Variants in NFIC observed in about 807,000 individuals in gnomAD.
NFIC encodes the protein nuclear factor 1 C-type.
A neutral mutation model predicts 54.4 loss-of-function variants in NFIC; 12 were observed. The observed-to-expected ratio is 0.22, with a 90% CI of 0.14 to 0.36. The LOEUF (loss-of-function observed/expected upper bound fraction) is 0.36. Ranked by LOEUF, NFIC falls within the 10% of genes least tolerant of loss-of-function variation. NFIC has a pLI of 1.00. For missense variants in NFIC, 575 were observed against 718.2 expected (o/e 0.80, Z 2.28); for synonymous variants, 322 against 319.2 (o/e 1.01, Z -0.09).
chr19:3,405,938 A>AAC (rs987761223), intron 2 of NFIC, among the ~76,000 whole-genome samples: 23 of 150,318 alleles, frequency 1.5e-4, no homozygotes, highest in African/African-American at 5.1e-4. Flanking sequence ...CTTTTTTTGA[A>AAC]ACAGAGTCCT....
At chr19:3,413,342 C>T (rs544321310) in intron 2 of NFIC, among the ~76,000 whole-genome samples, 4 of 152,174 alleles carry the variant, frequency 2.6e-5, no homozygotes, top group East Asian at 3.9e-4. Flanking sequence ...TGAGGGGAAC[C>T]GAGACCCCTC....
rs1227997025 is a variant in NFIC at position 3,370,285 on chromosome 19, C to T, written c.30+3619C>T. 6.6e-6 allele frequency among the ~76,000 whole-genome samples: 1 copy of T among 152,098 alleles called. No homozygotes were observed. Among genetic ancestry groups the T allele is most frequent in the African/African-American group, 2.4e-5 (1 of 41,420 alleles). On this transcript the variant is annotated intron_variant, in intron 1 of 10. Transcript: ENST00000443272. The surrounding 1 kb of genome is among the most constrained non-coding windows in gnomAD (Gnocchi z 5.2). ...GGGCGCTCTCTCCCCGTGTGCCCCC[C>T]ACCCGGGGCCTGGTGGCCTCTGATT...
At chr19:3,435,314 C>T in intron 6 of NFIC, 107 bp downstream of exon 6, 1 of 1,403,262 alleles carries the variant, frequency 7.1e-7, no homozygotes, top group South Asian at 1.5e-5. Context: ...AGGAAGCCGG[C>T]CTGGAGCCGC....
rs1009483997 is a variant in NFIC at position 3,368,163 on chromosome 19, G to A, written c.30+1497G>A. The stretch of plus-strand genomic sequence containing the variant: ...TGTGTGACCTCGGGCAGCCTTTGAA[G>A]TCTCTGGGCTTGTGGGGTGACTGAG... On this transcript the variant is annotated intron_variant, in intron 1 of 10. Transcript: ENST00000443272. Among the ~76,000 whole-genome samples, 10 of 152,200 alleles carry A rather than the reference G, an allele frequency of 6.6e-5. 1 individual carries two copies. Among genetic ancestry groups the A allele is most frequent in the Admixed American group, 5.2e-4 (8 of 15,280 alleles).
intron 2 of NFIC, among the ~76,000 whole-genome samples, chr19:3,391,470 G>A (rs920245029): frequency 2.0e-5 from 3 of 151,992 alleles, no homozygotes; most frequent in Non-Finnish European, 4.4e-5. Flanking sequence ...AGCCAACATG[G>A]TAAAACCCTG....
intron 9 of NFIC, among the ~76,000 whole-genome samples, chr19:3,455,122 G>A (rs1030026817): frequency 3.9e-5 from 6 of 152,240 alleles, no homozygotes; most frequent in South Asian, 2.1e-4. Flanking sequence ...TCCATGTGGC[G>A]CCTGATGCTG....
chr19:3,458,605 T>A lies in NFIC; in HGVS notation c.1509+1970T>A, dbSNP rs1433937060. Among the ~76,000 whole-genome samples the A allele has an allele frequency of 7.2e-6, 1 of 138,646 alleles. No individual in the cohort carries two copies. The highest frequency in any genetic ancestry group is 2.7e-5 in the African/African-American group (1 of 36,386). 91.0% of individuals were successfully genotyped at this position (138,646 alleles called of 152,430 possible). On this transcript the variant is annotated intron_variant, in intron 10 of 10. Coordinates refer to ENST00000443272, the MANE Select transcript of NFIC (RefSeq NM_001245002.2). This position sits in a 1 kb window ranked among gnomAD's most constrained non-coding sequence, Gnocchi z 4.1. ...GACTCCTCTGGGGACCCAGAAAGGG[T>A]GGGACCAGGGCTGGCAGAATGGGGT... is the stretch of plus-strand genomic sequence containing the variant.
At chr19:3,364,928 C>G (rs1424362237), upstream of NFIC, among the ~76,000 whole-genome samples, 1 of 152,204 alleles carries the variant, frequency 6.6e-6, no homozygotes, top group African/African-American at 2.4e-5. Context: ...AGATACACTT[C>G]TCACCATTTA....
intron 6 of NFIC, among the ~76,000 whole-genome samples, chr19:3,438,110 T>C (rs985894090): frequency 1.3e-5 from 2 of 152,210 alleles, no homozygotes; most frequent in Admixed American, 6.6e-5. Flanking sequence ...GGAAAAATTG[T>C]AGCTTTAAGT....
upstream of NFIC, among the ~76,000 whole-genome samples, chr19:3,363,835 A>AGAG (rs2080849606): frequency 6.6e-6 from 1 of 152,128 alleles, no homozygotes; most frequent in African/African-American, 2.4e-5. Flanking sequence ...TCTGCTCAGC[A>AGAG]CCCTGCAGGG....
chr19:3,433,908 C>T (rs928259202), intron 4 of NFIC, among the ~76,000 whole-genome samples: 1 of 152,152 alleles, frequency 6.6e-6, no homozygotes, highest in African/African-American at 2.4e-5. Context: ...CCCTCCTGTC[C>T]CCTTGCTTTC....
intron 2 of NFIC, among the ~76,000 whole-genome samples, chr19:3,414,041 C>T (rs1438846354): frequency 6.6e-6 from 1 of 152,108 alleles, no homozygotes; most frequent in East Asian, 1.9e-4. Flanking sequence ...GTCCCTTGGG[C>T]GTCTGGCATC....
chr19:3,370,968 G>A lies in NFIC; in HGVS notation c.30+4302G>A, dbSNP rs1297041532. On this transcript the variant is annotated intron_variant, in intron 1 of 10. Coordinates refer to ENST00000443272, the MANE Select transcript of NFIC (RefSeq NM_001245002.2). The surrounding 1 kb of genome is among the most constrained non-coding windows in gnomAD (Gnocchi z 5.2). ...GAGCACACGCTGGGCGCACACGCGT[G>A]CACACTCCCTGACACCCATACGGAC... 6.6e-6 allele frequency among the ~76,000 whole-genome samples: 1 copy of A among 152,220 alleles called. No homozygotes were observed.
At chr19:3,434,436 G>T (rs202231204) in intron 5 of NFIC, 36 bp downstream of exon 5, 3 of 1,559,674 alleles carry the variant, frequency 1.9e-6, no homozygotes, top group South Asian at 1.2e-5. Flanking sequence ...GGCATTTCAT[G>T]ACCCCATTCA....
chr19:3,403,173 G>C (rs1050504589), intron 2 of NFIC, among the ~76,000 whole-genome samples: 1 of 152,062 alleles, frequency 6.6e-6, no homozygotes, highest in Non-Finnish European at 1.5e-5. Context: ...AGCATTTATC[G>C]AGCACCACCT....
At chr19:3,366,534 C>CGGGGGGGGGGGGGGGGGGGGGG, upstream of NFIC, 2 of 361,256 alleles carry the variant, frequency 5.5e-6, no homozygotes, top group Non-Finnish European at 4.2e-6. Context: ...GGCCGCGGGG[C>CGGGGGGGGGGGGGGGGGGGGGG]GGGGGGGGGG....
rs142790393 is a variant in NFIC at position 3,435,102 on chromosome 19, G to C, written c.853G>C (p.Gly285Arg). ...SSSGSKRHKS[G>R]SMEEDVDTSP... is the part of the protein sequence containing the mutation. ...CATAAGGAGCAAGCGGCACAAATCG[G>C]GCTCGATGGAGGAAGACGTGGACAC... is the stretch of plus-strand genomic sequence containing the variant. The change falls in exon 6 of 11, where the codon GGC (glycine) becomes CGC (arginine). Residue 285 changes from glycine (G) to arginine (R), a missense_variant. Gly to Arg is a moderately radical substitution (Grantham distance 125). This residue lies in a region of NFIC where 447 missense variants were observed against 526.9 expected (regional missense o/e 0.85). Coordinates refer to ENST00000443272, the MANE Select transcript of NFIC (RefSeq NM_001245002.2). 27 of 1,604,142 alleles carry C rather than the reference G, an allele frequency of 1.7e-5. No individual in the cohort carries two copies. Among genetic ancestry groups the C allele is most frequent in the Non-Finnish European group, 2.1e-5 (25 of 1,174,960 alleles).
intron 3 of NFIC, among the ~76,000 whole-genome samples, chr19:3,432,875 G>C (rs2082143128): frequency 6.6e-6 from 1 of 151,998 alleles, no homozygotes; most frequent in African/African-American, 2.4e-5. Flanking sequence ...GTTTCACTGT[G>C]TTAGCCAGGA....
At chr19:3,442,011 C>A (rs146201054) in intron 6 of NFIC, among the ~76,000 whole-genome samples, 1 of 152,218 alleles carries the variant, frequency 6.6e-6, no homozygotes, top group Non-Finnish European at 1.5e-5. Context: ...CCTTTTCTCC[C>A]GGGCAGTGCT....
Sources: gnomAD v4.1 joint callset for allele counts (sites outside exome capture counted in the v4.1 genomes callset) on GRCh38, gnomAD v4.1.1 for gene constraint, gnomAD v4.1.1 regional missense constraint, Gnocchi (gnomAD v3.1) non-coding constraint, MANE v1.5 for transcripts, NCBI Gene and HGNC (gene_info 2026-07-23, HGNC 2026-07-21) for gene names.